BCAS3: variants seen among roughly 807,000 people sequenced by gnomAD.
BCAS3 encodes BCAS3 microtubule associated cell migration factor.
In BCAS3, 53 loss-of-function variants were observed where a neutral mutation model predicts 116.1. That is an observed-to-expected ratio of 0.46 (90% CI 0.37 to 0.57). The LOEUF is 0.57. BCAS3 is among the 20% of genes least tolerant of loss of function. BCAS3 has a pLI of 0.00. For missense variants in BCAS3, 917 were observed against 1,165.4 expected (o/e 0.79, Z 3.10); for synonymous variants, 391 against 408.2 (o/e 0.96, Z 0.51).
intron 11 of BCAS3, among the ~76,000 whole-genome samples, chr17:60,905,589 G>A (rs539776200): frequency 1.3e-5 from 2 of 152,070 alleles, no homozygotes; most frequent in African/African-American, 2.4e-5. Context: ...GTTTCTGCTC[G>A]TTCTCATTTA....
chr17:60,751,542 C>CTTTTTTTTTTTTTTTT (rs535708879), intron 6 of BCAS3, among the ~76,000 whole-genome samples: 2 of 20,046 alleles, frequency 1.0e-4, no homozygotes, highest in African/African-American at 1.1e-4. Context: ...TTTTCTTTTT[C>CTTTTTTTTTTTTTTTT]TTTTTTTTTT....
At chr17:60,741,438 A>G (rs971201609) in intron 5 of BCAS3, among the ~76,000 whole-genome samples, 8 of 152,244 alleles carry the variant, frequency 5.3e-5, no homozygotes, top group Admixed American at 5.2e-4. Flanking sequence ...TTCATTATGT[A>G]CAAAAAAACT....
intron 19 of BCAS3, among the ~76,000 whole-genome samples, chr17:61,054,050 A>C (rs1748221509): frequency 6.6e-6 from 1 of 152,248 alleles, no homozygotes; most frequent in Admixed American, 6.5e-5. Context: ...GAATGAAAGT[A>C]CCATCAGCAA....
rs200443677 is a variant in BCAS3 at position 60,858,319 on chromosome 17, A to G, written c.477-10257A>G. On this transcript the variant is annotated intron_variant, in intron 7 of 23. Transcript: ENST00000407086. ...AGTTTCTCGTGCCACTTTGTGCTCC[A>G]TACCTTCCTCCTTTCCCTCTCTCTT... 1.7e-4 allele frequency among the ~76,000 whole-genome samples: 26 copies of G among 151,992 alleles called. No individual in the cohort carries two copies. In the East Asian group the frequency reaches 4.8e-3, roughly 28 times the overall value.
At chr17:60,924,575 G>A (rs916699261) in intron 13 of BCAS3, 75 bp downstream of exon 13, 1 of 1,110,550 alleles carries the variant, frequency 9.0e-7, no homozygotes, top group African/African-American at 1.6e-5. Flanking sequence ...GCCAAATATG[G>A]AATATGGAAT....
At chr17:60,831,832 T>C (rs146603797) in intron 7 of BCAS3, among the ~76,000 whole-genome samples, 1 of 150,680 alleles carries the variant, frequency 6.6e-6, no homozygotes, top group African/African-American at 2.5e-5. Context: ...CTGTGGAAAA[T>C]ATAAAATACA....
At chr17:61,071,520 GAA>G (rs2143426973) in intron 19 of BCAS3, among the ~76,000 whole-genome samples, 1 of 152,320 alleles carries the variant, frequency 6.6e-6, no homozygotes, top group Admixed American at 6.5e-5. Context: ...GGTGGAGCCT[GAA>G]GTTATTTATT....
chr17:60,773,521 G>A (rs957235000), intron 6 of BCAS3, among the ~76,000 whole-genome samples: 3 of 151,938 alleles, frequency 2.0e-5, no homozygotes, highest in South Asian at 4.2e-4. Flanking sequence ...TTAAACTCTC[G>A]GACTCAAACC....
chr17:60,874,363 T>TGCCTGGC (rs1203340411), intron 8 of BCAS3, among the ~76,000 whole-genome samples: 2 of 152,236 alleles, frequency 1.3e-5, no homozygotes, highest in African/African-American at 4.8e-5. Context: ...TGAGCCACCA[T>TGCCTGGC]GCCTGGCTGA....
Position 60,956,172 on chromosome 17 carries a change from T to C in BCAS3, c.1221+8820T>C, listed in dbSNP as rs550443603. Among the ~76,000 whole-genome samples the C allele has an allele frequency of 1.3e-5, 2 of 152,334 alleles. No homozygotes were observed. Among genetic ancestry groups the C allele is most frequent in the Admixed American group, 1.3e-4 (2 of 15,298 alleles). Reference sequence around the variant, plus strand: ...ATTATATTTGTTCAATAATTACTTATTATAGTGCACAAAATGTCCCACATT... The same window carrying C: ...ATTATATTTGTTCAATAATTACTTACTATAGTGCACAAAATGTCCCACATT... On this transcript the variant is annotated intron_variant, in intron 14 of 23. Coordinates refer to ENST00000407086, the MANE Select transcript of BCAS3 (RefSeq NM_017679.5). This position sits in a 1 kb window ranked among gnomAD's most constrained non-coding sequence, Gnocchi z 4.2.
At chr17:60,770,653 G>A (rs563752846) in intron 6 of BCAS3, among the ~76,000 whole-genome samples, 4 of 150,430 alleles carry the variant, frequency 2.7e-5, no homozygotes, top group South Asian at 2.1e-4. Context: ...TCCTGACCTC[G>A]TGATCTGCCT....
intron 22 of BCAS3, among the ~76,000 whole-genome samples, chr17:61,183,431 A>T (rs12940125): frequency 0.65 from 98,421 of 151,734 alleles, 35,114 homozygotes; most frequent in South Asian, 0.86. Flanking sequence ...TATATTTTTA[A>T]TTAAACTATA....
chr17:60,684,586 A>G (rs2143817960), intron 3 of BCAS3, among the ~76,000 whole-genome samples: 1 of 152,120 alleles, frequency 6.6e-6, no homozygotes, highest in African/African-American at 2.4e-5. Flanking sequence ...GCCAAACTTA[A>G]CATAATTATC....
intron 22 of BCAS3, among the ~76,000 whole-genome samples, chr17:61,133,111 G>C (rs1376465781): frequency 6.6e-6 from 1 of 152,038 alleles, no homozygotes; most frequent in African/African-American, 2.4e-5. Context: ...GGCTTTTCTG[G>C]GCTTTTTACC....
intron 22 of BCAS3, among the ~76,000 whole-genome samples, chr17:61,193,842 C>T (rs538478011): frequency 5.6e-5 from 8 of 143,110 alleles, no homozygotes; most frequent in African/African-American, 1.8e-4. Context: ...ACAAGCCGGG[C>T]GTGGTGGCTC....
intron 9 of BCAS3, among the ~76,000 whole-genome samples, chr17:60,881,073 C>T (rs1292293079): frequency 6.6e-6 from 1 of 152,192 alleles, no homozygotes; most frequent in Non-Finnish European, 1.5e-5. Context: ...CTCCTGGGTT[C>T]ACGCCATTCT....
chr17:61,137,670 G>C (rs541153871), intron 22 of BCAS3, among the ~76,000 whole-genome samples: 1 of 152,372 alleles, frequency 6.6e-6, no homozygotes, highest in Admixed American at 6.5e-5. Context: ...TCTGGAGGCT[G>C]AGGCAGGAAA....
At chr17:61,283,371 T>C (rs1455894388) in intron 22 of BCAS3, among the ~76,000 whole-genome samples, 1 of 152,176 alleles carries the variant, frequency 6.6e-6, no homozygotes, top group Non-Finnish European at 1.5e-5. Flanking sequence ...TTAACTCTCC[T>C]ATTTAGTTCA....
chr17:61,303,890 A>G (rs2053639056), intron 22 of BCAS3, among the ~76,000 whole-genome samples: 1 of 152,202 alleles, frequency 6.6e-6, no homozygotes. Flanking sequence ...GTTCAGCAGC[A>G]TTTGTTGGAG....
Sources: gnomAD v4.1 joint callset for allele counts (sites outside exome capture counted in the v4.1 genomes callset) on GRCh38, gnomAD v4.1.1 for gene constraint, Gnocchi (gnomAD v3.1) non-coding constraint, MANE v1.5 for transcripts, NCBI Gene and HGNC (gene_info 2026-07-23, HGNC 2026-07-21) for gene names.